MAP4K5: variants seen among roughly 807,000 people sequenced by gnomAD.
The protein encoded by MAP4K5 is mitogen-activated protein kinase kinase kinase kinase 5, also known as MAPK/ERK kinase kinase kinase 5.
Under a neutral mutation model 135.6 loss-of-function variants are expected in MAP4K5, and 82 were observed. That is an observed-to-expected ratio of 0.60 (90% CI 0.51 to 0.73). The LOEUF is 0.73. Among genes scored for constraint, MAP4K5 ranks in the 30% least tolerant of loss-of-function variants. The probability of loss-of-function intolerance (pLI) is 0.00; values close to 1 mark genes in which losing one functional copy is unlikely to be tolerated. For missense variants in MAP4K5, 907 were observed against 1,010.9 expected (o/e 0.90, Z 1.39); for synonymous variants, 347 against 335.0 (o/e 1.04, Z -0.39).
chr14:50,423,829 C>A (rs1034804271), intron 31 of MAP4K5, among the ~76,000 whole-genome samples: 2 of 152,148 alleles, frequency 1.3e-5, no homozygotes, highest in Non-Finnish European at 2.9e-5. Context: ...TGCCAAAGTG[C>A]CCGCAGTTTG....
At chr14:50,456,710 A>G (rs2036601887) in intron 13 of MAP4K5, 116 bp from the exon 14 acceptor site, 1 of 659,596 alleles carries the variant, frequency 1.5e-6, no homozygotes, top group African/African-American at 1.8e-5. Context: ...ATTATAGGAT[A>G]AACATAAAAC....
intron 3 of MAP4K5, among the ~76,000 whole-genome samples, chr14:50,488,737 T>C (rs2037421196): frequency 6.6e-6 from 1 of 152,218 alleles, no homozygotes; most frequent in South Asian, 2.1e-4. Context: ...TGACAACTTT[T>C]TACAGCTGTA....
chr14:50,519,588 AG>A (rs1595541404), intron 2 of MAP4K5, among the ~76,000 whole-genome samples: 2 of 152,270 alleles, frequency 1.3e-5, no homozygotes, highest in East Asian at 3.9e-4. Flanking sequence ...TGGGAGGCGG[AG>A]GTTGTAATGA....
At chr14:50,540,385 G>A (rs1309721819) in intron 2 of MAP4K5, among the ~76,000 whole-genome samples, 1 of 152,154 alleles carries the variant, frequency 6.6e-6, no homozygotes, top group Non-Finnish European at 1.5e-5. Flanking sequence ...CATATTACCT[G>A]AATCTTAGAC....
intron 2 of MAP4K5, among the ~76,000 whole-genome samples, chr14:50,541,665 A>T (rs978817211): frequency 6.6e-6 from 1 of 152,164 alleles, no homozygotes; most frequent in Non-Finnish European, 1.5e-5. Flanking sequence ...AGGAAACTGT[A>T]TGGAGTCTCT....
intron 1 of MAP4K5, among the ~76,000 whole-genome samples, chr14:50,543,388 A>G (rs2038590306): frequency 6.6e-6 from 1 of 152,348 alleles, no homozygotes; most frequent in South Asian, 2.1e-4. Context: ...CATCATGGGA[A>G]TAGATACATA....
chr14:50,436,360 T>C (rs758099981), intron 26 of MAP4K5, among the ~76,000 whole-genome samples: 7 of 152,190 alleles, frequency 4.6e-5, no homozygotes, highest in Non-Finnish European at 7.3e-5. Context: ...TCTGGGGGAC[T>C]CTGGTCACTG....
chr14:50,437,547 G>A lies in MAP4K5; in HGVS notation c.1824-13C>T. ...TAAAGCGAATTTTCTGAAAACGTAAGACGATATAAATGCACTCTACAGTAG... is the reference window on the plus strand; with the variant it reads ...TAAAGCGAATTTTCTGAAAACGTAAAACGATATAAATGCACTCTACAGTAG... On this transcript the variant is annotated splice_polypyrimidine_tract_variant and intron_variant, in intron 25 of 32. Coordinates refer to ENST00000682126, the MANE Select transcript of MAP4K5 (RefSeq NM_006575.6). 1 of 1,576,668 alleles carries A rather than the reference G, an allele frequency of 6.3e-7. No individual in the cohort carries two copies. Among genetic ancestry groups the A allele is most frequent in the Non-Finnish European group, 8.6e-7 (1 of 1,158,268 alleles).
rs138291476 is a variant in MAP4K5, at chr14:50,527,917, C to A, written c.108+4025G>T. 4.6e-5 allele frequency among the ~76,000 whole-genome samples: 7 copies of A among 152,100 alleles called. No homozygotes were observed. In the East Asian group the frequency reaches 1.2e-3, roughly 25 times the overall value. The stretch of plus-strand genomic sequence containing the variant: ...ATCTAGGCTGGAAGCAATTTTGATA[C>A]AAATATTTGGATAAGGGCTGCCCAA... On this transcript the variant is annotated intron_variant, in intron 2 of 32. Coordinates refer to ENST00000682126, the MANE Select transcript of MAP4K5 (RefSeq NM_006575.6).
chr14:50,517,152 C>CT (rs778616747), intron 2 of MAP4K5, among the ~76,000 whole-genome samples: 314 of 137,682 alleles, frequency 2.3e-3, no homozygotes, highest in African/African-American at 3.5e-3. Flanking sequence ...AATTACAATA[C>CT]TTTTTTTTTT....
intron 13 of MAP4K5, among the ~76,000 whole-genome samples, chr14:50,461,992 C>T (rs963370304): frequency 3.3e-5 from 5 of 151,612 alleles, no homozygotes; most frequent in African/African-American, 1.2e-4. Flanking sequence ...TTATGAATAG[C>T]CCTACAACTA....
rs774737720 is a variant in MAP4K5, at chr14:50,440,430, TA to T, written c.1575del (p.Ile526PhefsTer11). The T allele has an allele frequency of 1.9e-6, 3 of 1,570,240 alleles. No homozygotes were observed. The South Asian group carries it at 3.5e-5, about 18-fold the overall frequency. On this transcript the variant is annotated frameshift_variant, in exon 22 of 33. Coordinates refer to ENST00000682126, the MANE Select transcript of MAP4K5 (RefSeq NM_006575.6). LOFTEE classifies it high-confidence loss of function. ...TAAATACCATCTTCAGTTCCAAAAA[TA>T]ATGTACTGATCTAAAATAGTTGAGA... ...WIHPDTKDQYIIFGTEDGIYT... is the reference protein window; with the variant it reads ...WIHPDTKDQYXIFGTEDGIYT...
Position 50,548,340 on chromosome 14 carries a change from C to T in MAP4K5, c.-179-5756G>A, listed in dbSNP as rs1463916735. Among the ~76,000 whole-genome samples, 3 of 152,132 alleles carry T rather than the reference C, an allele frequency of 2.0e-5. No individual in the cohort carries two copies. The East Asian group carries it at 5.8e-4, about 29-fold the overall frequency. ...AAAATGGGATTGGGCACACATAGAG[C>T]AAGAGCCATTTGAGAAAGCAAAAAT... On this transcript the variant is annotated intron_variant, in intron 1 of 8. Coordinates refer to the MAP4K5 transcript ENST00000555216.
At chr14:50,538,495 A>G (rs17718908) in intron 2 of MAP4K5, among the ~76,000 whole-genome samples, 32,037 of 152,212 alleles carry the variant, frequency 0.21, 4,182 homozygotes, top group Middle Eastern at 0.3. Context: ...TTGTCTGCAA[A>G]TTCAATAGCT....
chr14:50,544,319 A>G (rs994448352), intron 1 of MAP4K5, among the ~76,000 whole-genome samples: 5 of 152,212 alleles, frequency 3.3e-5, no homozygotes, highest in Admixed American at 6.5e-5. Context: ...TGTCCTTACT[A>G]TCAGAACCAC....
chr14:50,484,403 G>A (rs1009092822), intron 5 of MAP4K5, among the ~76,000 whole-genome samples: 3 of 152,028 alleles, frequency 2.0e-5, no homozygotes, highest in Non-Finnish European at 4.4e-5. Context: ...AAGTTTTTTT[G>A]TAATTTAAAA....
intron 18 of MAP4K5, 21 bp downstream of exon 18, chr14:50,445,017 GGCT>G (rs2139720911): frequency 6.2e-7 from 1 of 1,606,634 alleles, no homozygotes; most frequent in East Asian, 2.2e-5. Flanking sequence ...TGTACCCCAT[GGCT>G]GCTAATAATG....
At chr14:50,466,792 A>G (rs2036843745) in intron 10 of MAP4K5, 147 bp from the exon 11 acceptor site, 1 of 473,418 alleles carries the variant, frequency 2.1e-6, no homozygotes, top group Non-Finnish European at 3.8e-6. Flanking sequence ...TAAATTTTTA[A>G]TATTTTAGAT....
chr14:50,476,067 AAAT>A, intron 8 of MAP4K5, 58 bp downstream of exon 8: 1 of 898,290 alleles, frequency 1.1e-6, no homozygotes, highest in African/African-American at 1.8e-5. Flanking sequence ...AATTTTATAA[AAAT>A]TTTATTAAAA....
Sources: allele counts gnomAD v4.1 joint callset (sites outside exome capture counted in the v4.1 genomes callset), GRCh38; gene constraint gnomAD v4.1.1; transcripts MANE v1.5; gene names NCBI Gene and HGNC (gene_info 2026-07-23, HGNC 2026-07-21).